The following LURAP1L variants were observed in gnomAD, a reference collection of about 807,000 sequenced individuals.
LURAP1L encodes leucine rich adaptor protein 1-like.
In LURAP1L, 12 loss-of-function variants were observed where a neutral mutation model predicts 13.8. The observed-to-expected ratio is 0.87, with a 90% CI of 0.56 to 1.41. LURAP1L has a LOEUF of 1.41. Among genes scored for constraint, LURAP1L ranks in the 40% most tolerant of loss-of-function variants. The pLI is 0.00. For missense variants in LURAP1L, 375 were observed against 292.9 expected, an observed-to-expected ratio of 1.28 and a Z score of -2.04; for synonymous variants, 139 against 119.2, an observed-to-expected ratio of 1.17 and a Z score of -1.08.
intron 1 of LURAP1L, among the ~76,000 whole-genome samples, chr9:12,804,863 G>A (rs1819635047): frequency 1.3e-5 from 2 of 151,954 alleles, no homozygotes; most frequent in South Asian, 4.2e-4. Flanking sequence ...TACTTGTCAG[G>A]TTGGGACTCT....
chr9:12,821,363 C>G, intron 1 of LURAP1L, 23 bp from the exon 2 acceptor site: 1 of 1,594,702 alleles, frequency 6.3e-7, no homozygotes, highest in Non-Finnish European at 8.6e-7. Flanking sequence ...GCTGGAATAT[C>G]TTTCTTCTCT....
intron 1 of LURAP1L, among the ~76,000 whole-genome samples, chr9:12,788,267 G>A (rs1356445942): frequency 6.6e-6 from 1 of 152,106 alleles, no homozygotes; most frequent in African/African-American, 2.4e-5. Flanking sequence ...AGACTTTCAA[G>A]TGTTTGTTGC....
intron 1 of LURAP1L, among the ~76,000 whole-genome samples, chr9:12,811,789 A>G (rs1246767913): frequency 2.0e-5 from 3 of 152,212 alleles, no homozygotes; most frequent in Non-Finnish European, 4.4e-5. Context: ...GCAAACATGT[A>G]TTATCTCACA....
intron 1 of LURAP1L, among the ~76,000 whole-genome samples, chr9:12,801,967 C>T (rs906541389): frequency 6.6e-6 from 1 of 152,152 alleles, no homozygotes; most frequent in Non-Finnish European, 1.5e-5. Flanking sequence ...AATTCCCAGT[C>T]CATTTCCTTC....
intron 1 of LURAP1L, among the ~76,000 whole-genome samples, chr9:12,801,323 G>C (rs1257552337): frequency 6.6e-6 from 1 of 151,396 alleles, no homozygotes; most frequent in African/African-American, 2.4e-5. Flanking sequence ...GTATATTAAA[G>C]ATGGCTAAAG....
intron 1 of LURAP1L, among the ~76,000 whole-genome samples, chr9:12,803,559 G>A (rs1261704879): frequency 6.6e-6 from 1 of 152,132 alleles, no homozygotes; most frequent in Non-Finnish European, 1.5e-5. Context: ...GCTGGAAAAG[G>A]ATCAGTGTAC....
At chr9:12,779,747 C>T (rs1279102761) in intron 1 of LURAP1L, among the ~76,000 whole-genome samples, 1 of 152,162 alleles carries the variant, frequency 6.6e-6, no homozygotes, top group Non-Finnish European at 1.5e-5. Context: ...CCTCCATGCT[C>T]ATGTGGACAC....
At chr9:12,821,306 G>A in intron 1 of LURAP1L, 80 bp from the exon 2 acceptor site, 1 of 1,459,718 alleles carries the variant, frequency 6.9e-7, no homozygotes, top group East Asian at 2.3e-5. Context: ...CTGAACTGCA[G>A]CAGACAGTCC....
Position 12,788,165 on chromosome 9 carries a change from A to AAGAG in LURAP1L, c.312+12141_312+12142insGAGA, listed in dbSNP as rs1819386393. Among the ~76,000 whole-genome samples, 4 of 146,330 alleles carry AAGAG rather than the reference A, an allele frequency of 2.7e-5. No homozygotes were observed. In the East Asian group the frequency reaches 7.0e-4, roughly 26 times the overall value. On this transcript the variant is annotated intron_variant, in intron 1 of 1. Transcript: ENST00000319264. Reference sequence around the variant, plus strand: ...AAGAGAAAGAAGAAAGAAAGAAAGAAAGAAAGAAAGAAAGAAAGAAAGAAA... The same window carrying AAGAG: ...AAGAGAAAGAAGAAAGAAAGAAAGAAAGAGAGAAAGAAAGAAAGAAAGAAAGAAA...
intron 1 of LURAP1L, among the ~76,000 whole-genome samples, chr9:12,803,270 A>T (rs528089004): frequency 1.6e-3 from 246 of 152,334 alleles, no homozygotes; most frequent in Non-Finnish European, 2.8e-3. Context: ...ATGCTGTATC[A>T]GAGAACCAAG....
intron 1 of LURAP1L, among the ~76,000 whole-genome samples, chr9:12,794,834 G>A (rs1887174): frequency 0.38 from 57,220 of 151,168 alleles, 13,195 homozygotes; most frequent in African/African-American, 0.64. Flanking sequence ...CTAAAGATAT[G>A]TTTTTAGGCA....
chr9:12,811,816 T>C (rs1464982665), intron 1 of LURAP1L, among the ~76,000 whole-genome samples: 2 of 152,016 alleles, frequency 1.3e-5, no homozygotes, highest in African/African-American at 4.8e-5. Flanking sequence ...TATTAGGGAG[T>C]CTGGGCACAG....
At chr9:12,779,384 C>G (rs1229440629) in intron 1 of LURAP1L, among the ~76,000 whole-genome samples, 1 of 148,272 alleles carries the variant, frequency 6.7e-6, no homozygotes, top group Non-Finnish European at 1.5e-5. Context: ...AGGCCATTCT[C>G]CTGCCTCAGC....
intron 1 of LURAP1L, among the ~76,000 whole-genome samples, chr9:12,778,062 G>C (rs1372427701): frequency 6.6e-6 from 1 of 152,136 alleles, no homozygotes. Flanking sequence ...GAGTCTCTAA[G>C]GTCCCTGATA....
intron 1 of LURAP1L, among the ~76,000 whole-genome samples, chr9:12,818,677 A>G (rs1455462244): frequency 6.6e-6 from 1 of 152,170 alleles, no homozygotes; most frequent in Non-Finnish European, 1.5e-5. Context: ...GACTTGAAGA[A>G]TGGGGAGTAT....
intron 1 of LURAP1L, among the ~76,000 whole-genome samples, chr9:12,782,391 G>A (rs1009738631): frequency 6.6e-6 from 1 of 152,048 alleles, no homozygotes; most frequent in African/African-American, 2.4e-5. Flanking sequence ...TGTTTTAGAT[G>A]TAAGTCTTTG....
rs920831163 is a variant in LURAP1L at position 12,775,794 on chromosome 9, T to C, written c.79T>C (p.Ser27Pro). The change falls in exon 1 of 2, where the codon TCT becomes CCT. Residue 27 changes from serine to proline, a missense_variant. Physicochemically the swap from Ser to Pro is moderately conservative, Grantham distance 74. Coordinates refer to ENST00000319264, the MANE Select transcript of LURAP1L (RefSeq NM_203403.2). ...CAAAGTACCCGAGAGTCTAGTGCGC[T>C]CTCTCCGTGGGGAGGAGCCGGTTCC... is the stretch of plus-strand genomic sequence containing the variant. The part of the protein sequence containing the change: ...GRKVPESLVR[S>P]LRGEEPVPRE... The C allele has an allele frequency of 6.2e-7, 1 of 1,609,710 alleles. No individual in the cohort carries two copies.
chr9:12,816,626 G>A (rs933456339), intron 1 of LURAP1L, among the ~76,000 whole-genome samples: 1 of 152,146 alleles, frequency 6.6e-6, no homozygotes, highest in African/African-American at 2.4e-5. Flanking sequence ...ATCTGGGAAA[G>A]TTTGCTGTTA....
At chr9:12,816,136 G>A (rs76483609) in intron 1 of LURAP1L, among the ~76,000 whole-genome samples, 5,354 of 152,086 alleles carry the variant, frequency 0.035, 342 homozygotes, top group African/African-American at 0.12. Flanking sequence ...GGAAATCCTG[G>A]GATTATCTGA....
Sources: gnomAD v4.1 joint callset for allele counts (sites outside exome capture counted in the v4.1 genomes callset) on GRCh38, gnomAD v4.1.1 for gene constraint, MANE v1.5 for transcripts, NCBI Gene and HGNC (gene_info 2026-07-23, HGNC 2026-07-21) for gene names.